UNC13C: variants seen among roughly 807,000 people sequenced by gnomAD.
UNC13C encodes the protein unc-13 homolog C.
UNC13C carries 174 observed loss-of-function variants against 245.4 expected under a neutral mutation model. That is an observed-to-expected ratio of 0.71 (90% confidence interval 0.63 to 0.80). The LOEUF (loss-of-function observed/expected upper bound fraction) is 0.80. Among genes scored for constraint, UNC13C ranks in the 30% least tolerant of loss-of-function variants. The probability of loss-of-function intolerance (pLI) is 0.00; values close to 1 mark genes in which losing one functional copy is unlikely to be tolerated. For missense variants in UNC13C, 2,829 were observed against 2,602.9 expected (o/e 1.09, Z -1.89); for synonymous variants, 992 against 895.1 (o/e 1.11, Z -1.93).
chr15:54,282,593 T>C (rs2037027902), intron 10 of UNC13C, among the ~76,000 whole-genome samples: 1 of 152,000 alleles, frequency 6.6e-6, no homozygotes, highest in Admixed American at 6.6e-5. Flanking sequence ...TGTCCATGGA[T>C]GGTGGTGTGT....
intron 2 of UNC13C, among the ~76,000 whole-genome samples, chr15:54,042,801 C>G (rs1029666813): frequency 4.0e-5 from 6 of 151,846 alleles, no homozygotes; most frequent in African/African-American, 1.5e-4. Context: ...TGCAGTGAGC[C>G]GAGATCGTGC....
intron 10 of UNC13C, among the ~76,000 whole-genome samples, chr15:54,282,281 A>G (rs902133148): frequency 6.6e-6 from 1 of 152,208 alleles, no homozygotes; most frequent in Admixed American, 6.5e-5. Flanking sequence ...ATACACATAC[A>G]TATATATCAT....
Position 54,014,456 on chromosome 15 carries a change from A to G in UNC13C, c.1553A>G (p.Asp518Gly). Residue 518 changes from aspartate to glycine, a missense_variant, in exon 2 of 33, where the codon GAT becomes GGT. Coordinates refer to ENST00000260323, the MANE Select transcript of UNC13C (RefSeq NM_001080534.3). ...DKISSQLPES[D>G]ILEKQTTTHY... ...ATCTCCTCACAGTTGCCAGAATCAG[A>G]TATCTTGGAAAAGCAAACCACAACC... 6.2e-7 allele frequency: 1 copy of G among 1,613,810 alleles called. No homozygotes were observed. Among genetic ancestry groups the G allele is most frequent in the Non-Finnish European group, 8.5e-7 (1 of 1,179,810 alleles).
At chr15:54,062,497 T>C (rs1897889887) in intron 2 of UNC13C, among the ~76,000 whole-genome samples, 2 of 152,136 alleles carry the variant, frequency 1.3e-5, no homozygotes, top group Admixed American at 6.6e-5. Context: ...AAAACTCAAC[T>C]TTCCAGGAAG....
chr15:54,279,787 T>G (rs1567155893), intron 10 of UNC13C, among the ~76,000 whole-genome samples: 1 of 152,216 alleles, frequency 6.6e-6, no homozygotes, highest in African/African-American at 2.4e-5. Flanking sequence ...TGTGAAGCTT[T>G]TCATTAGAAT....
At chr15:53,856,870 C>G in the UNC13C span, among the ~76,000 whole-genome samples, 1 of 152,150 alleles carries the variant, frequency 6.6e-6, no homozygotes, top group Non-Finnish European at 1.5e-5. Context: ...CTAATAATGA[C>G]AGTGAGGTGT....
the UNC13C span, among the ~76,000 whole-genome samples, chr15:53,943,578 C>G: frequency 1.3e-5 from 2 of 152,068 alleles, no homozygotes; most frequent in Non-Finnish European, 2.9e-5. Flanking sequence ...CTATTTTTAA[C>G]TGTTTTAAAA....
At chr15:54,378,722 TA>T (rs1320951372) in intron 17 of UNC13C, among the ~76,000 whole-genome samples, 1 of 151,928 alleles carries the variant, frequency 6.6e-6, no homozygotes, top group Non-Finnish European at 1.5e-5. Flanking sequence ...GAGACCACAG[TA>T]AAAGTTTCTG....
At chr15:54,453,262 G>T (rs1891285436) in intron 19 of UNC13C, among the ~76,000 whole-genome samples, 1 of 152,202 alleles carries the variant, frequency 6.6e-6, no homozygotes, top group Admixed American at 6.5e-5. Context: ...TTCCTGCACT[G>T]TTGAGTCTCA....
chr15:53,958,950 C>T, the UNC13C span, among the ~76,000 whole-genome samples: 7 of 152,114 alleles, frequency 4.6e-5, no homozygotes, highest in South Asian at 6.2e-4. Context: ...CTACTTCCAC[C>T]CTGCTTGCCC....
chr15:54,507,916 T>C (rs1488864450), intron 23 of UNC13C, among the ~76,000 whole-genome samples: 4 of 151,962 alleles, frequency 2.6e-5, no homozygotes, highest in Non-Finnish European at 5.9e-5. Context: ...AAACCAGTTT[T>C]TTCCCCCTCC....
chr15:54,473,237 T>A (rs1892556330), intron 19 of UNC13C, among the ~76,000 whole-genome samples: 2 of 151,502 alleles, frequency 1.3e-5, no homozygotes, highest in South Asian at 4.2e-4. Flanking sequence ...TATTGATACA[T>A]AATAATTATA....
intron 2 of UNC13C, among the ~76,000 whole-genome samples, chr15:54,132,615 T>C (rs1384538798): frequency 1.3e-5 from 2 of 152,234 alleles, no homozygotes; most frequent in Admixed American, 6.5e-5. Context: ...TTATCTAGCA[T>C]ACAGTAGGTA....
intron 2 of UNC13C, among the ~76,000 whole-genome samples, chr15:54,058,807 A>G (rs1897662343): frequency 1.3e-5 from 2 of 152,218 alleles, no homozygotes; most frequent in Admixed American, 6.5e-5. Context: ...CTGGTTCAAC[A>G]TATGCAAATC....
At chr15:53,992,949 C>A (rs1894456984) in intron 1 of UNC13C, among the ~76,000 whole-genome samples, 1 of 152,102 alleles carries the variant, frequency 6.6e-6, no homozygotes, top group Non-Finnish European at 1.5e-5. Context: ...TCATTCCCTT[C>A]TACTGATATC....
chr15:54,485,981 C>G (rs1035705126), intron 19 of UNC13C, among the ~76,000 whole-genome samples: 5 of 151,968 alleles, frequency 3.3e-5, no homozygotes, highest in African/African-American at 1.2e-4. Context: ...TATTTTTTTT[C>G]CAGAACACAT....
intron 19 of UNC13C, among the ~76,000 whole-genome samples, chr15:54,474,114 A>G (rs1892603092): frequency 1.3e-5 from 2 of 152,046 alleles, no homozygotes; most frequent in South Asian, 2.1e-4. Flanking sequence ...TAGTGCTACA[A>G]TAAACACGGG....
At chr15:54,140,859 A>G (rs573890951) in intron 2 of UNC13C, among the ~76,000 whole-genome samples, 114 of 152,316 alleles carry the variant, frequency 7.5e-4, no homozygotes, top group African/African-American at 2.7e-3. Flanking sequence ...TATCTTTTTT[A>G]GAAAGATTTC....
chr15:54,527,262 C>A (rs1043211608), intron 25 of UNC13C, among the ~76,000 whole-genome samples: 1 of 152,096 alleles, frequency 6.6e-6, no homozygotes, highest in African/African-American at 2.4e-5. Flanking sequence ...GATGAAGAGG[C>A]CTTTGCTGAG....
Sources: gnomAD v4.1 joint callset for allele counts (sites outside exome capture counted in the v4.1 genomes callset) on GRCh38, gnomAD v4.1.1 for gene constraint, MANE v1.5 for transcripts, NCBI Gene and HGNC (gene_info 2026-07-23, HGNC 2026-07-21) for gene names.